RHOF: variants seen among roughly 807,000 people sequenced by gnomAD.
RHOF encodes ras homolog family member F, filopodia associated.
RHOF carries 21 observed loss-of-function variants against 22.2 expected under a neutral mutation model. The ratio of observed to expected loss-of-function variants is 0.95; its 90% CI spans 0.67 to 1.36. RHOF has a LOEUF of 1.36. RHOF is among the 40% of genes most tolerant of loss of function. RHOF has a pLI of 0.00. For missense variants in RHOF, 285 were observed against 293.7 expected, an observed-to-expected ratio of 0.97 and a Z score of 0.22; for synonymous variants, 135 against 131.2, an observed-to-expected ratio of 1.03 and a Z score of -0.20.
rs1260347427 is a variant in RHOF at position 121,793,533 on chromosome 12, G to T, written c.101C>A (p.Ser34Ter). Reference protein sequence around the residue: ...IVGDGGCGKTSLLMVYSQGSF... With the variant: ...IVGDGGCGKT ...GCCCTGGCTGTACACCATGAGCAGC[G>T]AGGTCTTGCCGCAGCCGCCGTCGCC... is the stretch of plus-strand genomic sequence containing the variant. Residue 34 changes from serine to a stop codon, truncating the protein, a stop_gained, in exon 1 of 5, where the codon TCG becomes TAG. Transcript: ENST00000267205. LOFTEE classifies it high-confidence loss of function. The T allele has an allele frequency of 1.9e-6, 3 of 1,544,592 alleles. No homozygotes were observed. Among genetic ancestry groups the T allele is most frequent in the African/African-American group, 2.7e-5 (2 of 73,094 alleles).
Position 121,789,159 on chromosome 12 carries a change from G to A in RHOF, c.226+3993C>T, listed in dbSNP as rs985621078. On this transcript the variant is annotated intron_variant, in intron 2 of 4. Coordinates refer to ENST00000267205, the MANE Select transcript of RHOF (RefSeq NM_019034.3). Reference sequence around the variant, plus strand: ...ATGGGAGGATCACTTGAGCCCAAGAGGCTGTGGCTGCAATGAGTTATGATC... The same window carrying A: ...ATGGGAGGATCACTTGAGCCCAAGAAGCTGTGGCTGCAATGAGTTATGATC... Among the ~76,000 whole-genome samples the A allele has an allele frequency of 1.8e-4, 28 of 152,270 alleles. 1 individual carries two copies. The East Asian group carries it at 5.4e-3, about 29-fold the overall frequency.
chr12:121,780,645 A>T (rs1874416401), intron 4 of RHOF: 2 of 585,632 alleles, frequency 3.4e-6, no homozygotes, highest in Non-Finnish European at 5.9e-6. Flanking sequence ...CTCCCCCTGT[A>T]AACTGGGGGA....
chr12:121,787,687 A>G (rs1874643780), intron 2 of RHOF, among the ~76,000 whole-genome samples: 1 of 152,116 alleles, frequency 6.6e-6, no homozygotes, highest in African/African-American at 2.4e-5. Context: ...GGATCGCTTG[A>G]GGTCAAGAGT....
chr12:121,780,840 G>T (rs531030710), intron 4 of RHOF, 32 bp downstream of exon 4: 1 of 1,600,228 alleles, frequency 6.2e-7, no homozygotes. Context: ...TCACAGCCAC[G>T]GCTGTGCCCC....
intron 2 of RHOF, among the ~76,000 whole-genome samples, chr12:121,790,220 C>T (rs1433627475): frequency 1.3e-5 from 2 of 152,268 alleles, no homozygotes; most frequent in Non-Finnish European, 2.9e-5. Context: ...AGCGTTTGGT[C>T]CTGGGTGTGG....
At position 121,787,200 on chromosome 12, in the gene RHOF, A is replaced by G. The variant is rs150565745; in HGVS notation, c.226+5952T>C. ...TGGTGAAGGAAGGCTCAAAGGAAGG[A>G]GTGGTTGAAGAGGGTTAATCGTCAT... On this transcript the variant is annotated intron_variant, in intron 2 of 4. Coordinates refer to ENST00000267205, the MANE Select transcript of RHOF (RefSeq NM_019034.3). Among the ~76,000 whole-genome samples, 79 of 152,252 alleles carry G rather than the reference A, an allele frequency of 5.2e-4. 1 individual carries two copies. The East Asian group carries it at 0.013, about 25-fold the overall frequency.
chr12:121,781,386 G>A (rs775016764), intron 2 of RHOF, 194 bp from the exon 3 acceptor site: 96 of 565,874 alleles, frequency 1.7e-4, no homozygotes, highest in South Asian at 9.6e-4. Context: ...CCGGAGGATC[G>A]CTTGAGCCCA....
intron 2 of RHOF, among the ~76,000 whole-genome samples, chr12:121,787,623 C>T (rs546872766): frequency 9.3e-5 from 14 of 149,784 alleles, no homozygotes; most frequent in South Asian, 4.2e-4. Flanking sequence ...TGGTCTAGAC[C>T]GGGCGCTGTG....
chr12:121,793,236 A>G lies in RHOF; in HGVS notation c.142T>C (p.Tyr48His). 2 of 1,550,880 alleles carry G rather than the reference A, an allele frequency of 1.3e-6. No homozygotes were observed. The highest frequency in any genetic ancestry group is 2.4e-5 in the South Asian group (2 of 84,066). ...TACTTCTCGAACACCGATGGGGCGT[A>G]GTGCTGCGGGAGAGGGGGTCGGGTT... ...VYSQGSFPEH[Y>H]APSVFEKYTA... is the part of the protein sequence containing the mutation. The change falls in exon 2 of 5, where the codon TAC becomes CAC. Residue 48 changes from tyrosine (Y) to histidine (H), a missense_variant. By Grantham distance (83) the Tyr-to-His change is moderately conservative (BLOSUM62 2). Transcript: ENST00000267205.
At chr12:121,786,183 G>C (rs1338286236) in intron 2 of RHOF, among the ~76,000 whole-genome samples, 8 of 152,048 alleles carry the variant, frequency 5.3e-5, no homozygotes. Context: ...GCCTCCCAAA[G>C]TGCTGGGATT....
intron 2 of RHOF, among the ~76,000 whole-genome samples, chr12:121,785,533 TCTC>T (rs746883380): frequency 2.0e-5 from 3 of 151,608 alleles, no homozygotes; most frequent in Non-Finnish European, 4.4e-5. Context: ...TTCAAGTGGT[TCTC>T]CTGCCTCAGC....
At chr12:121,789,723 C>G (rs1874714546) in intron 2 of RHOF, among the ~76,000 whole-genome samples, 1 of 152,214 alleles carries the variant, frequency 6.6e-6, no homozygotes. Flanking sequence ...TGTCTCAGCC[C>G]AGGCCTCCGG....
At chr12:121,784,685 G>A (rs1433818006) in intron 2 of RHOF, among the ~76,000 whole-genome samples, 2 of 152,164 alleles carry the variant, frequency 1.3e-5, no homozygotes, top group Non-Finnish European at 2.9e-5. Context: ...TCAGTGACTG[G>A]GCCAGGAGTC....
At chr12:121,781,477 A>G (rs1874454902) in intron 2 of RHOF, 2 of 369,054 alleles carry the variant, frequency 5.4e-6, no homozygotes, top group African/African-American at 2.1e-5. Flanking sequence ...TCTCTTAACA[A>G]CAAAACCCAT....
intron 2 of RHOF, 48 bp from the exon 3 acceptor site, chr12:121,781,240 GGACTCT>G (rs746310160): frequency 1.3e-6 from 2 of 1,544,864 alleles, no homozygotes; most frequent in Non-Finnish European, 8.9e-7. Flanking sequence ...CTCCCTGTCT[GGACTCT>G]GACGGGTGAA....
chr12:121,788,878 G>A (rs760164356), intron 2 of RHOF, among the ~76,000 whole-genome samples: 2 of 152,154 alleles, frequency 1.3e-5, no homozygotes, highest in Non-Finnish European at 2.9e-5. Context: ...GAAGTTAATA[G>A]CCTGGCATGG....
intron 2 of RHOF, among the ~76,000 whole-genome samples, chr12:121,790,400 C>T (rs1874734231): frequency 6.6e-6 from 1 of 152,288 alleles, no homozygotes; most frequent in South Asian, 2.1e-4. Context: ...TTGGCCTTTG[C>T]CTCTCTCTAC....
intron 2 of RHOF, among the ~76,000 whole-genome samples, chr12:121,788,280 G>A (rs747002185): frequency 6.6e-6 from 1 of 152,086 alleles, no homozygotes; most frequent in Non-Finnish European, 1.5e-5. Flanking sequence ...CCAGAAAACA[G>A]GAAGGAATCC....
chr12:121,793,608 T>TG lies in RHOF; in HGVS notation c.25dup (p.Gln9ProfsTer73). On this transcript the variant is annotated frameshift_variant, in exon 1 of 5. Coordinates refer to ENST00000267205, the MANE Select transcript of RHOF (RefSeq NM_019034.3). LOFTEE classifies it high-confidence loss of function. ...CCTGCCCGGACCGGGGGCGGCGGTC[T>TG]GGGCCAGGGCCCCGGGGGCATCCAT... The TG allele has an allele frequency of 6.5e-7, 1 of 1,549,924 alleles. No individual in the cohort carries two copies. Among genetic ancestry groups the TG allele is most frequent in the Non-Finnish European group, 8.7e-7 (1 of 1,153,424 alleles).
Sources: allele counts gnomAD v4.1 joint callset (sites outside exome capture counted in the v4.1 genomes callset), GRCh38; gene constraint gnomAD v4.1.1; transcripts MANE v1.5; gene names NCBI Gene and HGNC (gene_info 2026-07-23, HGNC 2026-07-21).